The following SDK1 variants were observed in gnomAD, a reference collection of about 807,000 sequenced individuals.
SDK1 encodes the protein sidekick cell adhesion molecule 1, also known as protein sidekick-1.
In SDK1, 157 loss-of-function variants were observed where a neutral mutation model predicts 245.5. The observed-to-expected ratio is 0.64, with a 90% CI of 0.56 to 0.73. The LOEUF (loss-of-function observed/expected upper bound fraction) is 0.73. Among genes scored for constraint, SDK1 ranks in the 30% least tolerant of loss-of-function variants. The probability of loss-of-function intolerance (pLI) is 0.00; values close to 1 mark genes in which losing one functional copy is unlikely to be tolerated. For synonymous variants in SDK1, 1,647 were observed against 1,278.5 expected (o/e 1.29, Z -6.15); for missense variants, 3,583 against 3,002.3 (o/e 1.19, Z -4.52).
intron 1 of SDK1, among the ~76,000 whole-genome samples, chr7:3,595,381 G>T (rs1450959371): frequency 6.6e-6 from 1 of 152,016 alleles, no homozygotes; most frequent in East Asian, 1.9e-4. Flanking sequence ...AATAGCTACT[G>T]CATGGATTAT....
chr7:4,019,223 A>C (rs184116507), intron 17 of SDK1, among the ~76,000 whole-genome samples: 22 of 152,334 alleles, frequency 1.4e-4, no homozygotes, highest in African/African-American at 5.3e-4. Context: ...TTTCATTTTC[A>C]GACACCTGTT....
chr7:3,356,564 C>T (rs1562437028), intron 1 of SDK1, among the ~76,000 whole-genome samples: 1 of 152,116 alleles, frequency 6.6e-6, no homozygotes, highest in African/African-American at 2.4e-5. Context: ...TGTTTATTTT[C>T]TGTGTGTATT....
At chr7:4,103,795 G>A (rs546978938) in intron 22 of SDK1, among the ~76,000 whole-genome samples, 36 of 152,344 alleles carry the variant, frequency 2.4e-4, no homozygotes, top group African/African-American at 8.7e-4. Flanking sequence ...CTCAGCAGCC[G>A]AGGAGGAGTC....
chr7:3,732,159 G>T (rs1562403111), intron 4 of SDK1, among the ~76,000 whole-genome samples: 1 of 152,234 alleles, frequency 6.6e-6, no homozygotes, highest in Non-Finnish European at 1.5e-5. Flanking sequence ...CAGAGTTCCA[G>T]TGGGCTTTCT....
chr7:3,565,708 G>A (rs2614942), intron 1 of SDK1, among the ~76,000 whole-genome samples: 141,062 of 152,316 alleles, frequency 0.93, 65,463 homozygotes, highest in East Asian at 1. Flanking sequence ...TAACCTGTGC[G>A]TATTCTCCTG....
At chr7:3,859,079 G>T (rs10247796) in intron 5 of SDK1, among the ~76,000 whole-genome samples, 5 of 151,616 alleles carry the variant, frequency 3.3e-5, no homozygotes, top group African/African-American at 1.2e-4. Flanking sequence ...AGCCAGGATG[G>T]TCTCGAACTC....
intron 1 of SDK1, among the ~76,000 whole-genome samples, chr7:3,364,137 C>T (rs1469532374): frequency 6.6e-6 from 1 of 152,116 alleles, no homozygotes; most frequent in Non-Finnish European, 1.5e-5. Context: ...CTAACTGGAT[C>T]GTTTTTCACT....
At chr7:4,074,907 TATA>T (rs1562770728) in intron 20 of SDK1, among the ~76,000 whole-genome samples, 4 of 88,734 alleles carry the variant, frequency 4.5e-5, no homozygotes, top group African/African-American at 2.7e-4. Context: ...TATATATATA[TATA>T]TATATATTTT....
intron 26 of SDK1, among the ~76,000 whole-genome samples, chr7:4,129,179 G>T (rs1784612346): frequency 1.4e-5 from 2 of 144,818 alleles, no homozygotes; most frequent in African/African-American, 5.2e-5. Flanking sequence ...AGAGCACCTT[G>T]GGGTAGGGTG....
chr7:3,681,200 T>C (rs1311121983), intron 4 of SDK1, among the ~76,000 whole-genome samples: 2 of 47,356 alleles, frequency 4.2e-5, no homozygotes, highest in African/African-American at 1.4e-4. Flanking sequence ...TGCTATAGTT[T>C]AGTTTTTTGA....
rs549354310 is a variant in SDK1 at position 3,626,522 on chromosome 7, T to C, written c.458+7283T>C. On this transcript the variant is annotated intron_variant, in intron 2 of 44. Transcript: ENST00000404826. ...TGCTCTTCAGCTAGTCGAATTTGCT[T>C]GGTGCTGGGTGGCCCAGGCCCTCAT... 5.3e-5 allele frequency among the ~76,000 whole-genome samples: 8 copies of C among 152,360 alleles called. No individual in the cohort carries two copies. The South Asian group carries it at 1.7e-3, about 32-fold the overall frequency.
intron 1 of SDK1, among the ~76,000 whole-genome samples, chr7:3,561,262 A>C (rs115755449): frequency 6.6e-6 from 1 of 152,156 alleles, no homozygotes. Flanking sequence ...GTTGATCCCT[A>C]ACACCCTCAA....
At chr7:3,626,222 G>A (rs1002741802) in intron 2 of SDK1, among the ~76,000 whole-genome samples, 1 of 151,992 alleles carries the variant, frequency 6.6e-6, no homozygotes, top group Non-Finnish European at 1.5e-5. Flanking sequence ...TTACAGGTGT[G>A]AGCCACCACT....
intron 1 of SDK1, among the ~76,000 whole-genome samples, chr7:3,386,031 G>A (rs763521799): frequency 2.0e-5 from 3 of 151,868 alleles, no homozygotes; most frequent in South Asian, 4.2e-4. Flanking sequence ...ATTTTCACTC[G>A]TTAGTAATAT....
intron 34 of SDK1, among the ~76,000 whole-genome samples, chr7:4,178,219 T>C (rs1405134430): frequency 3.3e-5 from 5 of 152,174 alleles, no homozygotes; most frequent in Non-Finnish European, 7.4e-5. Flanking sequence ...TCCTTTACTT[T>C]AGAGGAGGGA....
intron 4 of SDK1, among the ~76,000 whole-genome samples, chr7:3,755,100 G>A (rs1779882027): frequency 6.6e-6 from 1 of 152,200 alleles, no homozygotes; most frequent in South Asian, 2.1e-4. Context: ...CTTTGCTCTT[G>A]GCAGAGACTC....
chr7:4,018,916 T>C (rs1786649202), intron 17 of SDK1, among the ~76,000 whole-genome samples: 1 of 151,954 alleles, frequency 6.6e-6, no homozygotes, highest in Admixed American at 6.6e-5. Context: ...AATTGATGAG[T>C]GTCCTCTAGC....
chr7:4,051,873 G>A, intron 19 of SDK1, 43 bp downstream of exon 19: 1 of 1,563,164 alleles, frequency 6.4e-7, no homozygotes, highest in Non-Finnish European at 8.7e-7. Context: ...ACTTGTCAAA[G>A]AGGTGTATAC....
chr7:3,439,627 T>C (rs1780135407), intron 1 of SDK1, among the ~76,000 whole-genome samples: 1 of 152,260 alleles, frequency 6.6e-6, no homozygotes, highest in African/African-American at 2.4e-5. Context: ...TCTAATGGGA[T>C]TTAAAAAGTC....
Sources: gnomAD v4.1 joint callset for allele counts (sites outside exome capture counted in the v4.1 genomes callset) on GRCh38, gnomAD v4.1.1 for gene constraint, MANE v1.5 for transcripts, NCBI Gene and HGNC (gene_info 2026-07-23, HGNC 2026-07-21) for gene names.